Variants in UPP1 observed in about 807,000 individuals in gnomAD.
UPP1 encodes uridine phosphorylase 1.
UPP1 carries 25 observed loss-of-function variants against 29.6 expected under a neutral mutation model. The observed-to-expected ratio is 0.85, with a 90% CI of 0.62 to 1.18. UPP1 has a LOEUF of 1.18. Ranked by LOEUF, UPP1 falls within the 50% of genes most tolerant of loss-of-function variation. The pLI is 0.00. For missense variants in UPP1, 368 were observed against 410.4 expected, an observed-to-expected ratio of 0.90 and a Z score of 0.89; for synonymous variants, 165 against 159.8, an observed-to-expected ratio of 1.03 and a Z score of -0.25.
At chr7:48,096,423 A>T (rs1415629686) in intron 3 of UPP1, among the ~76,000 whole-genome samples, 1 of 152,208 alleles carries the variant, frequency 6.6e-6, no homozygotes, top group East Asian at 1.9e-4. Flanking sequence ...AAAGCCTTCC[A>T]TGAGTGGAAC....
rs779239116 is a variant in UPP1 at position 48,101,931 on chromosome 7, G to C, written c.270G>C (p.Ala90=). ...CPGRDYPNIC[A]GTDRYAMYKV... is the part of the protein sequence containing the mutation. ...GTAGAGACTATCCCAACATCTGTGC[G>C]GGAACTGACCGCTATGCCATGTATA... The change falls in exon 5 of 9, where the codon GCG becomes GCC. Residue 90 remains alanine (A), a synonymous_variant. Coordinates refer to ENST00000395564, the MANE Select transcript of UPP1 (RefSeq NM_003364.4). The C allele has an allele frequency of 6.2e-7, 1 of 1,614,014 alleles. No individual in the cohort carries two copies. Among genetic ancestry groups the C allele is most frequent in the Non-Finnish European group, 8.5e-7 (1 of 1,179,978 alleles).
chr7:48,098,940 A>G (rs1434478271), intron 3 of UPP1, among the ~76,000 whole-genome samples: 1 of 152,132 alleles, frequency 6.6e-6, no homozygotes, highest in Non-Finnish European at 1.5e-5. Flanking sequence ...GAACACAGAC[A>G]CACTCACTCA....
chr7:48,102,285 C>T (rs1057359138), intron 5 of UPP1, among the ~76,000 whole-genome samples: 2 of 152,104 alleles, frequency 1.3e-5, no homozygotes, highest in African/African-American at 4.8e-5. Context: ...CAGTAGGGGG[C>T]GCCCTGCCTG....
chr7:48,088,809 C>T (rs1379735181), upstream of UPP1: 1 of 152,430 alleles, frequency 6.6e-6, no homozygotes, highest in African/African-American at 2.4e-5. Context: ...TGGCCCCAGC[C>T]GCGGGGCCAC....
At chr7:48,106,127 C>T (rs71547877) in intron 6 of UPP1, 4,018 of 152,654 alleles carry the variant, frequency 0.026, 94 homozygotes, top group Admixed American at 0.08. Flanking sequence ...TCTAGTCTGC[C>T]TTTTGCTGGT....
At chr7:48,097,232 AT>A (rs979745761) in intron 3 of UPP1, among the ~76,000 whole-genome samples, 22 of 151,948 alleles carry the variant, frequency 1.4e-4, no homozygotes, top group African/African-American at 5.3e-4. Context: ...TACTTTTTAA[AT>A]TTTACTTTAT....
At chr7:48,093,103 A>C (rs969667965) in intron 2 of UPP1, among the ~76,000 whole-genome samples, 1 of 152,242 alleles carries the variant, frequency 6.6e-6, no homozygotes, top group Non-Finnish European at 1.5e-5. Context: ...GCTGGACTGC[A>C]GTAGGCTGGG....
Position 48,108,429 on chromosome 7 carries a change from G to T in UPP1, c.*72G>T, listed in dbSNP as rs1792894437. On this transcript the variant is annotated 3_prime_UTR_variant, in exon 9 of 9. Transcript: ENST00000395564. The stretch of plus-strand genomic sequence containing the variant: ...AAAGCATTGTCCAAAATCCCCTGTT[G>T]TGTGGACTTTGAGCACACTTTACAC... The T allele has an allele frequency of 2.6e-6, 4 of 1,529,386 alleles. No homozygotes were observed. The highest frequency in any genetic ancestry group is 3.5e-6 in the Non-Finnish European group (4 of 1,126,940). The allele number at this position is 1,529,386 out of a possible 1,614,324, so 94.7% of individuals were successfully genotyped here. A position where few individuals can be genotyped will look rare whatever the true frequency, so the allele number is the denominator to read the frequency against.
intron 6 of UPP1, chr7:48,104,724 A>G (rs1792633930): frequency 6.6e-6 from 1 of 152,248 alleles, no homozygotes; most frequent in Admixed American, 6.5e-5. Flanking sequence ...AATTGTCCCT[A>G]GGACAACACA....
rs146081733 is a variant in UPP1, at chr7:48,092,711, T to C, written c.-21-2052T>C. Among the ~76,000 whole-genome samples, 108 of 151,606 alleles carry C rather than the reference T, an allele frequency of 7.1e-4. 1 individual carries two copies. The highest frequency in any genetic ancestry group is 2.3e-3 in the African/African-American group (97 of 41,416). The stretch of plus-strand genomic sequence containing the variant: ...GTGAGACCCTGTTTGTTTCTTTTTT[T>C]TTTTTTTTTGAGACAGAGTCTTGCT... On this transcript the variant is annotated intron_variant, in intron 2 of 8. Transcript: ENST00000395564.
At chr7:48,097,755 G>A (rs1398567971) in intron 3 of UPP1, among the ~76,000 whole-genome samples, 2 of 152,208 alleles carry the variant, frequency 1.3e-5, no homozygotes, top group African/African-American at 4.8e-5. Flanking sequence ...GAATGGAAAT[G>A]TTACTTACAT....
intron 2 of UPP1, among the ~76,000 whole-genome samples, chr7:48,092,959 C>T (rs1791924795): frequency 6.6e-6 from 1 of 152,156 alleles, no homozygotes; most frequent in Non-Finnish European, 1.5e-5. Flanking sequence ...CCTCCTCGGC[C>T]TCCCAAAGTG....
At chr7:48,094,242 C>T (rs1457878485) in intron 2 of UPP1, among the ~76,000 whole-genome samples, 1 of 152,050 alleles carries the variant, frequency 6.6e-6, no homozygotes, top group South Asian at 2.1e-4. Flanking sequence ...GAATAAGGGA[C>T]AGGTTTTTGT....
Position 48,106,703 on chromosome 7 carries a change from A to T in UPP1, c.437-170A>T. The T allele has an allele frequency of 6.4e-6, 4 of 620,480 alleles. No homozygotes were observed. In the East Asian group the frequency reaches 1.1e-4, roughly 17 times the overall value. 38.4% of individuals were successfully genotyped at this position (620,480 alleles called of 1,614,324 possible). On this transcript the variant is annotated intron_variant, in intron 6 of 8. Coordinates refer to ENST00000395564, the MANE Select transcript of UPP1 (RefSeq NM_003364.4). ...ATAGCTTAAAAAAAAGTTGAATGGG[A>T]AAAATGGGTCACTGTGTATTTGAGA...
intron 3 of UPP1, among the ~76,000 whole-genome samples, chr7:48,096,889 A>G (rs1389487563): frequency 6.6e-6 from 1 of 152,064 alleles, no homozygotes. Flanking sequence ...TCACAGAGAC[A>G]GGGTTTCACT....
chr7:48,103,160 A>G, intron 5 of UPP1, 137 bp from the exon 6 acceptor site: 1 of 643,340 alleles, frequency 1.6e-6, no homozygotes, highest in Admixed American at 2.6e-5. Flanking sequence ...TAGTTCTTAA[A>G]TTTATATTTA....
At chr7:48,095,406 G>T (rs1360488311) in intron 3 of UPP1, among the ~76,000 whole-genome samples, 1 of 152,072 alleles carries the variant, frequency 6.6e-6, no homozygotes, top group African/African-American at 2.4e-5. Flanking sequence ...CCTCTCCCCA[G>T]TCTTGGTGGC....
At chr7:48,089,151 T>A (rs984397022), upstream of UPP1, 5 of 150,940 alleles carry the variant, frequency 3.3e-5, no homozygotes, top group African/African-American at 1.2e-4. Flanking sequence ...CAGGATGCGG[T>A]CAGCTGAGTT....
intron 5 of UPP1, 88 bp downstream of exon 5, chr7:48,102,070 C>T (rs1792459477): frequency 2.1e-6 from 3 of 1,412,528 alleles, no homozygotes; most frequent in Non-Finnish European, 1.9e-6. Flanking sequence ...AGCTGGTCCC[C>T]TAACACCTGC....
Sources: gnomAD v4.1 joint callset for allele counts (sites outside exome capture counted in the v4.1 genomes callset) on GRCh38, gnomAD v4.1.1 for gene constraint, MANE v1.5 for transcripts, NCBI Gene and HGNC (gene_info 2026-07-23, HGNC 2026-07-21) for gene names.